CCDC30: variants seen among roughly 807,000 people sequenced by gnomAD.
The protein encoded by CCDC30 is coiled-coil domain-containing protein 30.
CCDC30 carries 70 observed loss-of-function variants against 100.2 expected under a neutral mutation model. The ratio of observed to expected loss-of-function variants is 0.70; its 90% confidence interval spans 0.58 to 0.85. The LOEUF (loss-of-function observed/expected upper bound fraction) is 0.85. CCDC30 is among the 40% of genes least tolerant of loss of function. The pLI is 0.00. For synonymous variants in CCDC30, 233 were observed against 269.5 expected (o/e 0.86, Z 1.33); for missense variants, 652 against 771.2 (o/e 0.85, Z 1.83).
At chr1:42,551,596 T>C (rs1180384784) in intron 6 of CCDC30, among the ~76,000 whole-genome samples, 1 of 152,138 alleles carries the variant, frequency 6.6e-6, no homozygotes, top group Non-Finnish European at 1.5e-5. Context: ...CACACAACTT[T>C]AATGCAATAC....
intron 12 of CCDC30, among the ~76,000 whole-genome samples, chr1:42,641,487 G>A: frequency 6.6e-6 from 1 of 151,618 alleles, no homozygotes; most frequent in East Asian, 1.9e-4. Context: ...GGAGTGTGAG[G>A]TTACAGTGAG....
chr1:42,500,309 C>G, intron 6 of CCDC30: 1 of 1,610,270 alleles, frequency 6.2e-7, no homozygotes, highest in South Asian at 1.1e-5. Flanking sequence ...TCGAATTTCT[C>G]CATCTCAGCC....
rs538521069 is a variant in CCDC30 at position 42,519,719 on chromosome 1, T to A, written c.456+20803T>A. 9.3e-5 allele frequency among the ~76,000 whole-genome samples: 14 copies of A among 151,222 alleles called. 1 individual carries two copies. The highest frequency in any genetic ancestry group is 3.4e-4 in the African/African-American group (14 of 41,178). ...GGCACCTGCCACCATGCCTGGCTAA[T>A]TTTTTTTGTATTTTTAGTAGAGACA... On this transcript the variant is annotated intron_variant, in intron 6 of 16. Coordinates refer to ENST00000668663, the Ensembl canonical transcript of CCDC30.
At chr1:42,617,601 G>A (rs1406507487) in intron 11 of CCDC30, among the ~76,000 whole-genome samples, 1 of 152,174 alleles carries the variant, frequency 6.6e-6, no homozygotes. Flanking sequence ...AAATTTGGTG[G>A]GTAGGGGGTT....
intron 6 of CCDC30, among the ~76,000 whole-genome samples, chr1:42,505,224 C>T (rs193295119): frequency 4.3e-4 from 65 of 152,172 alleles, no homozygotes; most frequent in Admixed American, 1.2e-3. Flanking sequence ...GAAATTTCTG[C>T]GTTATGAGCA....
At chr1:42,621,269 G>T (rs750427811) in intron 11 of CCDC30, among the ~76,000 whole-genome samples, 6 of 152,068 alleles carry the variant, frequency 3.9e-5, no homozygotes, top group Non-Finnish European at 5.9e-5. Flanking sequence ...ATCCCCTCAA[G>T]CATTTGCATT....
At chr1:42,561,337 C>T (rs546222981) in intron 6 of CCDC30, among the ~76,000 whole-genome samples, 55 of 152,254 alleles carry the variant, frequency 3.6e-4, no homozygotes, top group East Asian at 1.4e-3. Context: ...ATCACATAAA[C>T]GGAACCAAAG....
intron 10 of CCDC30, among the ~76,000 whole-genome samples, chr1:42,599,297 A>C (rs182624155): frequency 6.6e-6 from 1 of 152,326 alleles, no homozygotes; most frequent in East Asian, 1.9e-4. Context: ...TTATCTTCTT[A>C]TTATAAGGTA....
At chr1:42,608,647 G>A (rs549543727) in intron 10 of CCDC30, among the ~76,000 whole-genome samples, 96 of 150,106 alleles carry the variant, frequency 6.4e-4, no homozygotes, top group Non-Finnish European at 1.1e-3. Context: ...GGAACTTGCC[G>A]TGAGCCGAGA....
intron 6 of CCDC30, among the ~76,000 whole-genome samples, chr1:42,528,503 A>C (rs1569923403): frequency 1.3e-5 from 2 of 152,216 alleles, no homozygotes; most frequent in African/African-American, 4.8e-5. Context: ...ATCACAATGC[A>C]GGTCTGACAT....
intron 6 of CCDC30, among the ~76,000 whole-genome samples, chr1:42,509,905 T>G (rs1362935739): frequency 6.6e-6 from 1 of 152,196 alleles, no homozygotes; most frequent in Non-Finnish European, 1.5e-5. Context: ...TTTACCCTTT[T>G]GCCAGTATGT....
At chr1:42,473,641 A>G in intron 1 of CCDC30, 1 of 209,062 alleles carries the variant, frequency 4.8e-6, no homozygotes, top group Non-Finnish European at 9.5e-6. Context: ...ATGTCGGCAT[A>G]GTATCAGTGG....
intron 7 of CCDC30, among the ~76,000 whole-genome samples, chr1:42,573,884 A>G (rs1183022932): frequency 6.6e-6 from 1 of 152,060 alleles, no homozygotes; most frequent in South Asian, 2.1e-4. Context: ...TTTTTTAAAA[A>G]TTTTAATCTG....
upstream of CCDC30, among the ~76,000 whole-genome samples, chr1:42,461,594 T>G (rs989230024): frequency 6.0e-5 from 9 of 149,206 alleles, no homozygotes; most frequent in African/African-American, 2.2e-4. Flanking sequence ...TCGTCCTGGG[T>G]GGAGTGCAGT....
chr1:42,645,869 G>A (rs1425767316), intron 14 of CCDC30, among the ~76,000 whole-genome samples: 2 of 152,154 alleles, frequency 1.3e-5, no homozygotes, highest in African/African-American at 2.4e-5. Context: ...TGTTTTCAGA[G>A]GCCTTTGGTC....
chr1:42,456,356 C>T, the CCDC30 span: 1 of 636,804 alleles, frequency 1.6e-6, no homozygotes, highest in South Asian at 2.1e-5. Flanking sequence ...CCCACCCAGC[C>T]GGGGATCCCC....
chr1:42,490,930 A>T (rs912359317), intron 4 of CCDC30, among the ~76,000 whole-genome samples: 4 of 152,240 alleles, frequency 2.6e-5, no homozygotes, highest in Non-Finnish European at 5.9e-5. Context: ...TGTTCACTGG[A>T]AAGCCAGTAG....
chr1:42,610,427 G>C (rs1209800566), intron 10 of CCDC30, among the ~76,000 whole-genome samples: 1 of 150,500 alleles, frequency 6.6e-6, no homozygotes, highest in Non-Finnish European at 1.5e-5. Flanking sequence ...TTTTTGTTTT[G>C]TTTTGTTTTG....
intron 11 of CCDC30, among the ~76,000 whole-genome samples, chr1:42,611,947 C>T (rs938681395): frequency 6.6e-6 from 1 of 152,150 alleles, no homozygotes. Context: ...GCATAAGCCA[C>T]TGTGCCCAGT....
Sources: gnomAD v4.1 joint callset for allele counts (sites outside exome capture counted in the v4.1 genomes callset) on GRCh38, gnomAD v4.1.1 for gene constraint, MANE v1.5 for transcripts, NCBI Gene and HGNC (gene_info 2026-07-23, HGNC 2026-07-21) for gene names.